The following TNFSF15 variants were observed in gnomAD, a reference collection of about 807,000 sequenced individuals.
TNFSF15 encodes the protein TNF superfamily member 15, also known as tumor necrosis factor ligand superfamily member 15.
TNFSF15 carries 15 observed loss-of-function variants against 26.4 expected under a neutral mutation model. That is an observed-to-expected ratio of 0.57 (90% CI 0.38 to 0.87). TNFSF15 has a LOEUF of 0.87. TNFSF15 is among the 40% of genes least tolerant of loss of function. The probability of loss-of-function intolerance (pLI) is 0.00; values close to 1 mark genes in which losing one functional copy is unlikely to be tolerated. For missense variants in TNFSF15, 290 were observed against 306.1 expected, an observed-to-expected ratio of 0.95 and a Z score of 0.39; for synonymous variants, 116 against 115.0, an observed-to-expected ratio of 1.01 and a Z score of -0.06.
At chr9:114,804,130 T>A (rs2131308339) in intron 1 of TNFSF15, among the ~76,000 whole-genome samples, 1 of 152,250 alleles carries the variant, frequency 6.6e-6, no homozygotes. Flanking sequence ...GCTGCAATCA[T>A]CCCCACACAT....
Position 114,805,915 on chromosome 9 carries a change from G to A in TNFSF15, c.98C>T (p.Ala33Val). 2 of 1,614,138 alleles carry A rather than the reference G, an allele frequency of 1.2e-6. No individual in the cohort carries two copies. The highest frequency in any genetic ancestry group is 1.7e-6 in the Non-Finnish European group (2 of 1,180,044). Residue 33 changes from alanine to valine, a missense_variant, in exon 1 of 4, where the codon GCA (alanine) becomes GTA (valine). Transcript: ENST00000374045. Reference protein sequence around the residue: ...SCRPKARSSSARWALTCCLVL... With the variant: ...SCRPKARSSSVRWALTCCLVL... ...CAGGCAGCAGGTGAGAGCCCAGCGT[G>A]CGCTGCTGCTCCTGGCCTTGGGCCT...
At chr9:114,798,512 C>T (rs1829701631) in intron 1 of TNFSF15, among the ~76,000 whole-genome samples, 1 of 152,054 alleles carries the variant, frequency 6.6e-6, no homozygotes, top group Admixed American at 6.5e-5. Flanking sequence ...TAGTGGAATG[C>T]TCCCCAGGTG....
intron 1 of TNFSF15, among the ~76,000 whole-genome samples, chr9:114,794,189 C>G (rs547689852): frequency 6.6e-6 from 1 of 152,304 alleles, no homozygotes; most frequent in South Asian, 2.1e-4. Flanking sequence ...GACTTTTTCT[C>G]TCTGAGCTTT....
intron 1 of TNFSF15, among the ~76,000 whole-genome samples, chr9:114,799,580 G>A (rs1587901145): frequency 1.3e-5 from 2 of 152,282 alleles, no homozygotes; most frequent in South Asian, 4.2e-4. Flanking sequence ...ATAGATTGAG[G>A]GAATGGAATT....
rs761282953 is a variant in TNFSF15 at position 114,805,982 on chromosome 9, C to T, written c.31G>A (p.Glu11Lys). MAEDLGLSFG[E>K]TASVEMLPEH... ...GGCAGCATTTCCACACTGGCTGTTT[C>T]CCCAAAGCTCAGTCCCAGATCCTCG... Residue 11 changes from glutamate (E) to lysine (K), a missense_variant, in exon 1 of 4, where the codon GAA (glutamate) becomes AAA (lysine). By Grantham distance (56) the Glu-to-Lys change is moderately conservative (BLOSUM62 1). This residue lies in a region of TNFSF15 where 179 missense variants were observed against 165.9 expected (regional missense o/e 1.08). Coordinates refer to ENST00000374045, the MANE Select transcript of TNFSF15 (RefSeq NM_005118.4). 11 of 1,613,924 alleles carry T rather than the reference C, an allele frequency of 6.8e-6. No homozygotes were observed. Among genetic ancestry groups the T allele is most frequent in the Non-Finnish European group, 9.3e-6 (11 of 1,180,018 alleles).
At chr9:114,795,017 AC>A (rs1829656791) in intron 1 of TNFSF15, among the ~76,000 whole-genome samples, 2 of 152,190 alleles carry the variant, frequency 1.3e-5, no homozygotes, top group African/African-American at 4.8e-5. Flanking sequence ...ACTGTACATT[AC>A]AAAGTAGCTA....
At position 114,805,820 on chromosome 9, in the gene TNFSF15, C is replaced by T; in HGVS notation, c.193G>A (p.Ala65Thr). ...TGGCTTACCTGGAACTGCACACAGG[C>T]CTCTCCCTGGGCCCGGAGCTGGCTG... Reference protein sequence around the residue: ...LVSQLRAQGEACVQFQALKGQ... With the variant: ...LVSQLRAQGETCVQFQALKGQ... Residue 65 changes from alanine to threonine, a missense_variant, in exon 1 of 4, where the codon GCC becomes ACC. By Grantham distance (58) the Ala-to-Thr change is moderately conservative. Coordinates refer to ENST00000374045, the MANE Select transcript of TNFSF15 (RefSeq NM_005118.4). The T allele has an allele frequency of 2.5e-6, 4 of 1,613,362 alleles. No individual in the cohort carries two copies. The highest frequency in any genetic ancestry group is 3.4e-6 in the Non-Finnish European group (4 of 1,180,020).
chr9:114,790,382 T>C lies in TNFSF15; in HGVS notation c.*70A>G. On this transcript the variant is annotated 3_prime_UTR_variant, in exon 4 of 4. Coordinates refer to ENST00000374045, the MANE Select transcript of TNFSF15 (RefSeq NM_005118.4). ...GCCCCAAGAAAACCCCTGGTTATAA[T>C]TACATTTGAACAAAGAAAATTAGGA... 1.4e-6 allele frequency: 2 copies of C among 1,452,138 alleles called. No individual in the cohort carries two copies. The highest frequency in any genetic ancestry group is 2.3e-5 in the East Asian group (1 of 43,664). The allele number at this position is 1,452,138 out of a possible 1,614,324, so 90.0% of individuals were successfully genotyped here.
At chr9:114,792,876 T>C (rs1829625223) in intron 2 of TNFSF15, among the ~76,000 whole-genome samples, 1 of 152,256 alleles carries the variant, frequency 6.6e-6, no homozygotes, top group Non-Finnish European at 1.5e-5. Context: ...CCTTCTTCCA[T>C]GGTCCCTTTA....
chr9:114,791,117 A>G (rs988830676), intron 3 of TNFSF15: 1 of 618,606 alleles, frequency 1.6e-6, no homozygotes, highest in African/African-American at 1.9e-5. Context: ...ACCTGGGGCA[A>G]ATTACTTTGC....
chr9:114,786,413 G>A lies in TNFSF15; in HGVS notation c.*4039C>T, dbSNP rs1337751784. ...AGAATGTTGGCAATGGCCGTGCCTT[G>A]TGCACAGTGAGTTAGTTAAACTTTT... On this transcript the variant is annotated 3_prime_UTR_variant, in exon 4 of 4. Coordinates refer to ENST00000374045, the MANE Select transcript of TNFSF15 (RefSeq NM_005118.4). The A allele has an allele frequency of 6.6e-6, 1 of 152,226 alleles. No individual in the cohort carries two copies. The highest frequency in any genetic ancestry group is 1.5e-5 in the Non-Finnish European group (1 of 68,036). The allele number at this position is 152,226 out of a possible 1,614,324, so 9.4% of individuals were successfully genotyped here. A position where few individuals can be genotyped will look rare whatever the true frequency, so the allele number is the denominator to read the frequency against.
intron 3 of TNFSF15, 197 bp downstream of exon 3, chr9:114,792,210 T>C: frequency 1.6e-6 from 1 of 621,144 alleles, no homozygotes; most frequent in East Asian, 2.9e-5. Flanking sequence ...TGTGTGTGTA[T>C]ATACATATGT....
At chr9:114,805,498 G>GT (rs973089061) in intron 1 of TNFSF15, among the ~76,000 whole-genome samples, 22 of 151,796 alleles carry the variant, frequency 1.4e-4, no homozygotes, top group Non-Finnish European at 2.2e-4. Flanking sequence ...GTAATTTTAA[G>GT]TTTTTTTCTT....
At chr9:114,797,115 T>C (rs1829682167) in intron 1 of TNFSF15, among the ~76,000 whole-genome samples, 1 of 152,202 alleles carries the variant, frequency 6.6e-6, no homozygotes, top group Admixed American at 6.5e-5. Flanking sequence ...TTTATTTAAT[T>C]ATCTGCTGAG....
At chr9:114,802,633 C>CAAAGAGAGTA (rs1829764034) in intron 1 of TNFSF15, among the ~76,000 whole-genome samples, 1 of 152,192 alleles carries the variant, frequency 6.6e-6, no homozygotes, top group Non-Finnish European at 1.5e-5. Flanking sequence ...TGGAAAAATA[C>CAAAGAGAGTA]AGGTAGCCTT....
In TNFSF15 at chr9:114,792,586, C is replaced by T. The variant is rs1168681292; in HGVS notation, c.254-132G>A. 8 of 1,536,052 alleles carry T rather than the reference C, an allele frequency of 5.2e-6. No homozygotes were observed. The East Asian group carries it at 1.9e-4, about 37-fold the overall frequency. On this transcript the variant is annotated intron_variant, in intron 2 of 3. Coordinates refer to ENST00000374045, the MANE Select transcript of TNFSF15 (RefSeq NM_005118.4). ...TCCTCCAGCTTGGTCCAGTGCCACT[C>T]CTTGCAGGATTTTGGATTGGAATGT... is the stretch of plus-strand genomic sequence containing the variant.
rs1829558648 is a variant in TNFSF15, at chr9:114,789,456, A to C, written c.*996T>G. The C allele has an allele frequency of 6.6e-6, 1 of 152,208 alleles. No individual in the cohort carries two copies. Among genetic ancestry groups the C allele is most frequent in the Non-Finnish European group, 1.5e-5 (1 of 68,104 alleles). 9.4% of individuals were successfully genotyped at this position (152,208 alleles called of 1,614,324 possible). A position where few individuals can be genotyped will look rare whatever the true frequency, so the allele number is the denominator to read the frequency against. ...CGGCCTCCTGAGTAGCCAGGATTAC[A>C]GCCATGCGCTACCACGCCCGGCTAA... On this transcript the variant is annotated 3_prime_UTR_variant, in exon 4 of 4. Coordinates refer to ENST00000374045, the MANE Select transcript of TNFSF15 (RefSeq NM_005118.4).
At chr9:114,798,451 C>T (rs1323928077) in intron 1 of TNFSF15, among the ~76,000 whole-genome samples, 1 of 151,770 alleles carries the variant, frequency 6.6e-6, no homozygotes, top group African/African-American at 2.4e-5. Flanking sequence ...TTTGGAATTA[C>T]TTTAATTATT....
intron 2 of TNFSF15, among the ~76,000 whole-genome samples, chr9:114,792,769 T>A (rs945647603): frequency 1.3e-5 from 2 of 152,164 alleles, no homozygotes; most frequent in African/African-American, 4.8e-5. Flanking sequence ...TAGATGGAGG[T>A]GCTTAGCATG....
Sources: allele counts gnomAD v4.1 joint callset (sites outside exome capture counted in the v4.1 genomes callset), GRCh38; gene constraint gnomAD v4.1.1; regional missense constraint gnomAD v4.1.1; transcripts MANE v1.5; gene names NCBI Gene and HGNC (gene_info 2026-07-23, HGNC 2026-07-21).